The following CHRM3 variants were observed in gnomAD, a reference collection of about 807,000 sequenced individuals.
The protein encoded by CHRM3 is cholinergic receptor muscarinic 3.
A neutral mutation model predicts 41.8 loss-of-function variants in CHRM3; 11 were observed. That is an observed-to-expected ratio of 0.26 (90% CI 0.17 to 0.44). The LOEUF (loss-of-function observed/expected upper bound fraction) is 0.44. Among genes scored for constraint, CHRM3 ranks in the 20% least tolerant of loss-of-function variants. The pLI is 1.00. For synonymous variants in CHRM3, 297 were observed against 301.4 expected, an observed-to-expected ratio of 0.99 and a Z score of 0.15; for missense variants, 571 against 745.4, an observed-to-expected ratio of 0.77 and a Z score of 2.72.
At chr1:239,640,419 A>G (rs1271791748) in intron 4 of CHRM3, among the ~76,000 whole-genome samples, 2 of 152,076 alleles carry the variant, frequency 1.3e-5, no homozygotes, top group Non-Finnish European at 2.9e-5. Context: ...TTGGTAAGCT[A>G]TTGATTATTG....
intron 1 of CHRM3, among the ~76,000 whole-genome samples, chr1:239,406,715 C>T (rs895234916): frequency 3.9e-5 from 6 of 152,196 alleles, no homozygotes; most frequent in African/African-American, 1.4e-4. Flanking sequence ...TGACCCTTTA[C>T]ATTTCTGCAA....
At chr1:239,504,910 G>A (rs754150014) in intron 2 of CHRM3, among the ~76,000 whole-genome samples, 1 of 152,000 alleles carries the variant, frequency 6.6e-6, no homozygotes, top group Non-Finnish European at 1.5e-5. Flanking sequence ...GGGGACTTGG[G>A]GGGAAGGGTG....
At chr1:239,502,190 A>G (rs1668286628) in intron 2 of CHRM3, among the ~76,000 whole-genome samples, 1 of 152,220 alleles carries the variant, frequency 6.6e-6, no homozygotes, top group African/African-American at 2.4e-5. Context: ...AATTATCAAG[A>G]TTAACCAAGA....
At chr1:239,519,741 CTTTTTTTTTTTTTTT>C (rs386370161) in intron 2 of CHRM3, among the ~76,000 whole-genome samples, 8 of 85,066 alleles carry the variant, frequency 9.4e-5, no homozygotes, top group African/African-American at 3.4e-4. Context: ...AAAACTAGTT[CTTTTTTTTTTTTTTT>C]TTTTTTTTTG....
chr1:239,405,450 T>C (rs1024094514), intron 1 of CHRM3, among the ~76,000 whole-genome samples: 1 of 152,102 alleles, frequency 6.6e-6, no homozygotes, highest in Non-Finnish European at 1.5e-5. Context: ...GACCAGTACT[T>C]GTAAGGGAAT....
At chr1:239,851,799 G>A (rs762177345) in intron 6 of CHRM3, among the ~76,000 whole-genome samples, 1 of 152,050 alleles carries the variant, frequency 6.6e-6, no homozygotes, top group Non-Finnish European at 1.5e-5. Flanking sequence ...CATTAAAAAG[G>A]TATAGTTTTC....
chr1:239,408,717 G>A (rs892214186), intron 1 of CHRM3, among the ~76,000 whole-genome samples: 3 of 151,866 alleles, frequency 2.0e-5, no homozygotes, highest in African/African-American at 4.8e-5. Context: ...CACAATCACG[G>A]CTCAGTGCAG....
At chr1:239,843,300 C>G (rs1431262235) in intron 6 of CHRM3, among the ~76,000 whole-genome samples, 1 of 152,104 alleles carries the variant, frequency 6.6e-6, no homozygotes, top group Non-Finnish European at 1.5e-5. Context: ...CTCCTCTAAT[C>G]ATTTTTAACA....
intron 5 of CHRM3, among the ~76,000 whole-genome samples, chr1:239,708,340 G>T (rs1372394219): frequency 1.3e-5 from 2 of 152,152 alleles, no homozygotes; most frequent in African/African-American, 4.8e-5. Context: ...GCTTGGATTA[G>T]CTCTTACTCA....
chr1:239,399,820 T>C lies in CHRM3; in HGVS notation c.-521+12593T>C, dbSNP rs534709597. Among the ~76,000 whole-genome samples, 5 of 152,284 alleles carry C rather than the reference T, an allele frequency of 3.3e-5. No individual in the cohort carries two copies. The East Asian group carries it at 9.6e-4, about 29-fold the overall frequency. On this transcript the variant is annotated intron_variant, in intron 1 of 6. Transcript: ENST00000676153. ...TGGAGTGAATATGGGAGTGCTGATG[T>C]CACTTTGACATATTGATTTCAATTC...
chr1:239,405,591 A>G (rs72754656), intron 1 of CHRM3, among the ~76,000 whole-genome samples: 3,990 of 152,164 alleles, frequency 0.026, 93 homozygotes, highest in Middle Eastern at 0.11. Flanking sequence ...TGGGGCTTCA[A>G]TTACATTTTT....
intron 2 of CHRM3, among the ~76,000 whole-genome samples, chr1:239,507,224 C>T (rs11811970): frequency 0.013 from 1,962 of 152,200 alleles, 35 homozygotes; most frequent in South Asian, 0.038. Flanking sequence ...TTTGGCTATG[C>T]CCCTACCCAA....
chr1:239,560,688 G>A (rs1257737504), intron 3 of CHRM3, among the ~76,000 whole-genome samples: 1 of 151,284 alleles, frequency 6.6e-6, no homozygotes, highest in African/African-American at 2.4e-5. Flanking sequence ...ATATATATAT[G>A]TGTGTGTGTA....
intron 6 of CHRM3, among the ~76,000 whole-genome samples, chr1:239,883,227 GTTCCT>G (rs1456889159): frequency 6.6e-6 from 1 of 152,168 alleles, no homozygotes; most frequent in Non-Finnish European, 1.5e-5. Flanking sequence ...CAGCCGTGAT[GTTCCT>G]CCATCACTTA....
intron 3 of CHRM3, among the ~76,000 whole-genome samples, chr1:239,593,481 T>TA (rs66512128): frequency 0.02 from 892 of 43,696 alleles, 10 homozygotes; most frequent in African/African-American, 0.03. Context: ...CATTTCTTTT[T>TA]AAAAAAAAAA....
chr1:239,805,732 T>A (rs1200201221), intron 5 of CHRM3, among the ~76,000 whole-genome samples: 3 of 152,116 alleles, frequency 2.0e-5, no homozygotes, highest in African/African-American at 7.2e-5. Flanking sequence ...TATATTGCCA[T>A]ATATATCAGA....
chr1:239,389,820 T>C (rs985543976), intron 1 of CHRM3, among the ~76,000 whole-genome samples: 6 of 152,250 alleles, frequency 3.9e-5, no homozygotes, highest in Admixed American at 6.5e-5. Context: ...TGCTTACTGC[T>C]AAATGGCCTG....
chr1:239,583,030 A>G (rs1371588945), intron 3 of CHRM3, among the ~76,000 whole-genome samples: 2 of 152,096 alleles, frequency 1.3e-5, no homozygotes, highest in African/African-American at 2.4e-5. Flanking sequence ...TGTGCCTTCA[A>G]TGCCAGCCAC....
chr1:239,813,368 A>G (rs1007842996), intron 5 of CHRM3, among the ~76,000 whole-genome samples: 1 of 152,198 alleles, frequency 6.6e-6, no homozygotes, highest in African/African-American at 2.4e-5. Context: ...TAATGGTTCT[A>G]AGAAATAAAA....
Sources: allele counts gnomAD v4.1 joint callset (sites outside exome capture counted in the v4.1 genomes callset), GRCh38; gene constraint gnomAD v4.1.1; transcripts MANE v1.5; gene names NCBI Gene and HGNC (gene_info 2026-07-23, HGNC 2026-07-21).